The following COL21A1 variants were observed in gnomAD, a reference collection of about 807,000 sequenced individuals.
COL21A1 encodes collagen type XXI alpha 1 chain.
Under a neutral mutation model 137.9 loss-of-function variants are expected in COL21A1, and 149 were observed. That is an observed-to-expected ratio of 1.08 (90% confidence interval 0.95 to 1.24). The LOEUF (loss-of-function observed/expected upper bound fraction) is 1.24, where lower values mean the gene tolerates loss of function less well. COL21A1 is among the 50% of genes most tolerant of loss of function. The pLI, the probability that COL21A1 is intolerant of heterozygous loss-of-function variation, is 0.00. For synonymous variants in COL21A1, 456 were observed against 391.5 expected (o/e 1.16, Z -1.95); for missense variants, 1,167 against 1,158.4 (o/e 1.01, Z -0.11).
At chr6:56,298,908 TA>T (rs1167161436) in intron 1 of COL21A1, among the ~76,000 whole-genome samples, 1 of 152,130 alleles carries the variant, frequency 6.6e-6, no homozygotes, top group Admixed American at 6.6e-5. Context: ...AAGGGGACCT[TA>T]AAAGTCATAT....
chr6:56,392,067 A>G (rs1192419670), intron 1 of COL21A1, among the ~76,000 whole-genome samples: 1 of 152,110 alleles, frequency 6.6e-6, no homozygotes, highest in African/African-American at 2.4e-5. Context: ...AGAAAACTAC[A>G]GGCCAATAAC....
At chr6:56,066,612 T>A (rs1332753544) in intron 23 of COL21A1, among the ~76,000 whole-genome samples, 1 of 151,816 alleles carries the variant, frequency 6.6e-6, no homozygotes, top group Non-Finnish European at 1.5e-5. Flanking sequence ...GAACATCAGA[T>A]ATAATTTATC....
At position 56,098,778 on chromosome 6, in the gene COL21A1, C is replaced by T. The variant is rs555084154; in HGVS notation, c.1812+2694G>A. Among the ~76,000 whole-genome samples the T allele has an allele frequency of 1.5e-3, 201 of 136,750 alleles. 5 individuals carry two copies. The South Asian group carries it at 0.017, about 12-fold the overall frequency. The allele number at this position is 136,750 out of a possible 152,430, so 89.7% of individuals were successfully genotyped here. A position where few individuals can be genotyped will look rare whatever the true frequency, so the allele number is the denominator to read the frequency against. ...TCGCCCAGGCTGGAGTGCAGTAGCG[C>T]GATCTTGGCTCACCGCAACCCCCAC... On this transcript the variant is annotated intron_variant, in intron 17 of 29. Coordinates refer to ENST00000244728, the MANE Select transcript of COL21A1 (RefSeq NM_030820.4).
At chr6:56,124,183 A>T in intron 15 of COL21A1, 56 bp downstream of exon 15, 1 of 1,541,922 alleles carries the variant, frequency 6.5e-7, no homozygotes, top group Non-Finnish European at 8.8e-7. Context: ...GACAGATACT[A>T]TAAGATAGAT....
At chr6:56,071,851 G>A (rs1403858966) in intron 20 of COL21A1, among the ~76,000 whole-genome samples, 1 of 151,478 alleles carries the variant, frequency 6.6e-6, no homozygotes, top group East Asian at 1.9e-4. Context: ...TGTGCAGGAT[G>A]TGCAGGTTTG....
chr6:56,286,637 G>A (rs979023624), intron 1 of COL21A1, among the ~76,000 whole-genome samples: 4 of 152,200 alleles, frequency 2.6e-5, no homozygotes, highest in Non-Finnish European at 5.9e-5. Context: ...ACACGGTTTT[G>A]TGAATTGGTA....
chr6:56,212,298 C>T (rs12190324), intron 1 of COL21A1, among the ~76,000 whole-genome samples: 95,984 of 151,690 alleles, frequency 0.63, 30,660 homozygotes, highest in East Asian at 0.86. Flanking sequence ...CTGAGATCAC[C>T]ATTGATACAT....
At chr6:56,059,306 C>G (rs1765593609) in intron 28 of COL21A1, 64 bp from the exon 29 acceptor site, 3 of 1,151,316 alleles carry the variant, frequency 2.6e-6, no homozygotes, top group African/African-American at 3.2e-5. Context: ...TTGTTTCATT[C>G]AAAGCTGTTA....
chr6:56,219,216 C>CGAA (rs1780674136), intron 1 of COL21A1, among the ~76,000 whole-genome samples: 1 of 76,484 alleles, frequency 1.3e-5, no homozygotes, highest in East Asian at 4.7e-4. Context: ...AAACTTGCAC[C>CGAA]AAAAAAAAAA....
chr6:56,061,419 G>T (rs1215615111), intron 25 of COL21A1, among the ~76,000 whole-genome samples: 1 of 152,078 alleles, frequency 6.6e-6, no homozygotes, highest in Non-Finnish European at 1.5e-5. Flanking sequence ...AAAAAATTCA[G>T]CTCCAAGTCT....
At chr6:56,257,828 G>A (rs758776140) in intron 1 of COL21A1, among the ~76,000 whole-genome samples, 5 of 151,596 alleles carry the variant, frequency 3.3e-5, no homozygotes, top group Non-Finnish European at 5.9e-5. Flanking sequence ...TAGCTTATGG[G>A]CTTTACAAAA....
intron 1 of COL21A1, among the ~76,000 whole-genome samples, chr6:56,229,096 T>C (rs1365430497): frequency 6.6e-6 from 1 of 151,996 alleles, no homozygotes; most frequent in African/African-American, 2.4e-5. Context: ...TATGCATTAT[T>C]TTGGCTGGGT....
intron 14 of COL21A1, chr6:56,125,309 G>A (rs78089856): frequency 0.019 from 4,689 of 244,514 alleles, 176 homozygotes; most frequent in African/African-American, 0.093. Context: ...GTGAGCCACC[G>A]CGCCCGGCCT....
chr6:56,283,121 C>A (rs1763818615), intron 1 of COL21A1, among the ~76,000 whole-genome samples: 1 of 152,026 alleles, frequency 6.6e-6, no homozygotes, highest in Admixed American at 6.6e-5. Context: ...AAAAGACTTT[C>A]TGAAGTAAGG....
At chr6:56,197,231 C>T (rs1779079396) in intron 1 of COL21A1, among the ~76,000 whole-genome samples, 1 of 151,876 alleles carries the variant, frequency 6.6e-6, no homozygotes, top group Non-Finnish European at 1.5e-5. Flanking sequence ...TAAAGACAAA[C>T]AAAAGACCTG....
At chr6:56,068,992 C>A in intron 22 of COL21A1, 54 bp downstream of exon 22, 1 of 1,227,118 alleles carries the variant, frequency 8.1e-7, no homozygotes, top group African/African-American at 1.5e-5. Context: ...AAAAGAAAAA[C>A]TTGTTTGCAA....
chr6:56,351,718 T>C (rs551755545), intron 1 of COL21A1, among the ~76,000 whole-genome samples: 17 of 152,352 alleles, frequency 1.1e-4, no homozygotes, highest in Admixed American at 9.8e-4. Flanking sequence ...CTTTGAAGTC[T>C]GTACTGACAT....
At chr6:56,269,536 TC>T (rs1340522393) in intron 1 of COL21A1, among the ~76,000 whole-genome samples, 1 of 150,110 alleles carries the variant, frequency 6.7e-6, no homozygotes, top group African/African-American at 2.4e-5. Flanking sequence ...GCGCCTGTAG[TC>T]CCAGCTACTT....
In COL21A1 at chr6:56,124,039, CTT is replaced by C. The variant is rs66532466; in HGVS notation, c.1758+21_1758+22del. Reference sequence around the variant, plus strand: ...GATACAAAAATCTTTTTGTTTTGTCCTTTTTTTTTTTTTTATAAATACCTTGA... The same window carrying C: ...GATACAAAAATCTTTTTGTTTTGTCCTTTTTTTTTTTTATAAATACCTTGA... On this transcript the variant is annotated intron_variant, in intron 16 of 29. Transcript: ENST00000244728. 6.6e-3 allele frequency: 8,267 copies of C among 1,249,074 alleles called. 1 individual carries two copies. The highest frequency in any genetic ancestry group is 0.013 in the African/African-American group (792 of 63,142). 77.4% of individuals were successfully genotyped at this position (1,249,074 alleles called of 1,614,324 possible). A position where few individuals can be genotyped will look rare whatever the true frequency, so the allele number is the denominator to read the frequency against.
Sources: allele counts gnomAD v4.1 joint callset (sites outside exome capture counted in the v4.1 genomes callset), GRCh38; gene constraint gnomAD v4.1.1; transcripts MANE v1.5; gene names NCBI Gene and HGNC (gene_info 2026-07-23, HGNC 2026-07-21).